ZNF385D: variants seen among roughly 807,000 people sequenced by gnomAD.
The protein encoded by ZNF385D is zinc finger protein 659.
A neutral mutation model predicts 35.8 loss-of-function variants in ZNF385D; 15 were observed. That is an observed-to-expected ratio of 0.42 (90% CI 0.28 to 0.64). ZNF385D has a LOEUF of 0.64. Ranked by LOEUF, ZNF385D falls within the 30% of genes least tolerant of loss-of-function variation. The pLI is 0.23. For missense variants in ZNF385D, 474 were observed against 494.6 expected, an observed-to-expected ratio of 0.96 and a Z score of 0.39; for synonymous variants, 212 against 186.8, an observed-to-expected ratio of 1.13 and a Z score of -1.10.
rs183642634 is a variant in ZNF385D, at chr3:21,484,474, A to T, written c.439+26387T>A. ...TGAACATCCAAGACCAAGAAGACAG[A>T]CCTCTTCCTCCTGCGATGTCTCTCC... On this transcript the variant is annotated intron_variant, in intron 4 of 7. Coordinates refer to ENST00000281523, the MANE Select transcript of ZNF385D (RefSeq NM_024697.3). Among the ~76,000 whole-genome samples, 73 of 152,196 alleles carry T rather than the reference A, an allele frequency of 4.8e-4. 1 individual carries two copies. The highest frequency in any genetic ancestry group is 1.7e-3 in the African/African-American group (72 of 41,538).
At chr3:21,424,914 G>A (rs554843148) in intron 6 of ZNF385D, among the ~76,000 whole-genome samples, 2 of 152,100 alleles carry the variant, frequency 1.3e-5, no homozygotes, top group African/African-American at 4.8e-5. Flanking sequence ...TACAACATGA[G>A]GGCTGAACGT....
chr3:21,801,770 G>A (rs1484949283), intron 3 of ZNF385D, among the ~76,000 whole-genome samples: 2 of 152,128 alleles, frequency 1.3e-5, no homozygotes, highest in Non-Finnish European at 2.9e-5. Flanking sequence ...CTGAGGCTGG[G>A]ATTTTCAGTG....
At chr3:21,448,662 C>T (rs116177752) in intron 4 of ZNF385D, among the ~76,000 whole-genome samples, 2,084 of 152,202 alleles carry the variant, frequency 0.014, 43 homozygotes, top group African/African-American at 0.047. Context: ...GAAAATAATA[C>T]GATACAATTC....
intron 2 of ZNF385D, among the ~76,000 whole-genome samples, chr3:22,263,040 C>T (rs1700715711): frequency 6.6e-6 from 1 of 151,970 alleles, no homozygotes; most frequent in South Asian, 2.1e-4. Context: ...TTTCCACCTC[C>T]AGTATCATCA....
intron 2 of ZNF385D, among the ~76,000 whole-genome samples, chr3:22,225,240 T>C (rs1351947864): frequency 6.6e-6 from 1 of 152,028 alleles, no homozygotes; most frequent in Admixed American, 6.6e-5. Flanking sequence ...ATTATTAGAG[T>C]ATGTAGCAGA....
intron 2 of ZNF385D, among the ~76,000 whole-genome samples, chr3:22,298,727 T>C (rs1438613523): frequency 6.7e-6 from 1 of 149,254 alleles, no homozygotes; most frequent in Admixed American, 6.7e-5. Flanking sequence ...AAAAATAAAA[T>C]GATCTAATTT....
intron 3 of ZNF385D, among the ~76,000 whole-genome samples, chr3:21,757,355 C>G (rs2070392001): frequency 6.6e-6 from 1 of 152,072 alleles, no homozygotes; most frequent in Non-Finnish European, 1.5e-5. Flanking sequence ...GTTGGCCAGG[C>G]TGGTCTTGAA....
At chr3:22,188,684 T>C (rs764758458) in intron 2 of ZNF385D, among the ~76,000 whole-genome samples, 1 of 152,110 alleles carries the variant, frequency 6.6e-6, no homozygotes, top group Non-Finnish European at 1.5e-5. Context: ...TCTCCTGACT[T>C]TGTGATCCGC....
chr3:21,903,115 C>T (rs1360097171), intron 3 of ZNF385D, among the ~76,000 whole-genome samples: 1 of 152,128 alleles, frequency 6.6e-6, no homozygotes, highest in African/African-American at 2.4e-5. Context: ...CCTGTTGCAC[C>T]ATGACTTGCG....
At chr3:21,447,556 A>G (rs74673249) in intron 4 of ZNF385D, among the ~76,000 whole-genome samples, 1 of 152,210 alleles carries the variant, frequency 6.6e-6, no homozygotes, top group Non-Finnish European at 1.5e-5. Flanking sequence ...CATCTGTTTA[A>G]CATATGTAGT....
At chr3:22,021,604 G>A (rs1371486757) in intron 3 of ZNF385D, among the ~76,000 whole-genome samples, 1 of 152,032 alleles carries the variant, frequency 6.6e-6, no homozygotes, top group African/African-American at 2.4e-5. Flanking sequence ...AACACAGGTA[G>A]TGTTTAGCTC....
intron 3 of ZNF385D, among the ~76,000 whole-genome samples, chr3:21,867,750 A>T (rs1697451696): frequency 1.3e-5 from 2 of 152,110 alleles, no homozygotes; most frequent in African/African-American, 4.8e-5. Flanking sequence ...AGTAAAAAAA[A>T]AAAAAACCTC....
intron 3 of ZNF385D, among the ~76,000 whole-genome samples, chr3:21,797,649 A>G (rs987536596): frequency 6.6e-6 from 1 of 152,220 alleles, no homozygotes. Flanking sequence ...CAGGCAATGG[A>G]ATATCAGTCA....
At chr3:22,153,035 C>G (rs1188464821) in intron 3 of ZNF385D, among the ~76,000 whole-genome samples, 3 of 152,148 alleles carry the variant, frequency 2.0e-5, no homozygotes, top group Non-Finnish European at 4.4e-5. Flanking sequence ...TGTTACAAAC[C>G]ATGGCTTTTA....
intron 2 of ZNF385D, among the ~76,000 whole-genome samples, chr3:21,653,406 T>A (rs1175039942): frequency 6.6e-6 from 1 of 152,100 alleles, no homozygotes; most frequent in Non-Finnish European, 1.5e-5. Context: ...AGTCTCCTGA[T>A]ACACATATGT....
intron 2 of ZNF385D, among the ~76,000 whole-genome samples, chr3:22,231,265 G>T (rs925297768): frequency 2.6e-5 from 4 of 152,106 alleles, no homozygotes; most frequent in Non-Finnish European, 5.9e-5. Flanking sequence ...CACACCAAGG[G>T]CCACTGACTC....
chr3:22,067,577 A>C (rs1274581637), intron 3 of ZNF385D, among the ~76,000 whole-genome samples: 1 of 152,224 alleles, frequency 6.6e-6, no homozygotes, highest in Non-Finnish European at 1.5e-5. Context: ...TCATAACACT[A>C]AAGTTAACTC....
intron 5 of ZNF385D, among the ~76,000 whole-genome samples, chr3:21,429,110 A>T (rs1701170145): frequency 6.6e-6 from 1 of 151,834 alleles, no homozygotes; most frequent in Admixed American, 6.6e-5. Flanking sequence ...GGCATAAAGG[A>T]AAGATAGGTA....
chr3:22,262,683 G>T lies in ZNF385D; in HGVS notation c.107-93648C>A, dbSNP rs144419107. ...AAATATTGGTTCACTCAAGATTTCT[G>T]AGCCCCAGTTTTCTCATTTCAAAAT... On this transcript the variant is annotated intron_variant, in intron 2 of 5. Coordinates refer to the ZNF385D transcript ENST00000494108. Among the ~76,000 whole-genome samples, 369 of 151,758 alleles carry T rather than the reference G, an allele frequency of 2.4e-3. 1 individual carries two copies. In the Middle Eastern group the frequency reaches 0.027, roughly 11 times the overall value.
Sources: gnomAD v4.1 joint callset for allele counts (sites outside exome capture counted in the v4.1 genomes callset) on GRCh38, gnomAD v4.1.1 for gene constraint, MANE v1.5 for transcripts, NCBI Gene and HGNC (gene_info 2026-07-23, HGNC 2026-07-21) for gene names.